The following OSBPL10 variants were observed in gnomAD, a reference collection of about 807,000 sequenced individuals.
OSBPL10 encodes oxysterol-binding protein-related protein 10.
OSBPL10 carries 49 observed loss-of-function variants against 81.7 expected under a neutral mutation model. That is an observed-to-expected ratio of 0.60 (90% CI 0.48 to 0.76). The LOEUF (loss-of-function observed/expected upper bound fraction) is 0.76. OSBPL10 is among the 30% of genes least tolerant of loss of function. The probability of loss-of-function intolerance (pLI) is 0.00; values close to 1 mark genes in which losing one functional copy is unlikely to be tolerated. For synonymous variants in OSBPL10, 419 were observed against 383.6 expected, an observed-to-expected ratio of 1.09 and a Z score of -1.08; for missense variants, 923 against 987.8, an observed-to-expected ratio of 0.93 and a Z score of 0.88.
chr3:32,074,725 T>C (rs1481876279), intron 1 of OSBPL10, among the ~76,000 whole-genome samples: 3 of 152,188 alleles, frequency 2.0e-5, no homozygotes, highest in Admixed American at 1.3e-4. Context: ...CCTCCCTCTA[T>C]GCAGTTGCAC....
chr3:31,764,158 T>C (rs1358760898), intron 4 of OSBPL10, among the ~76,000 whole-genome samples: 2 of 152,238 alleles, frequency 1.3e-5, no homozygotes, highest in African/African-American at 2.4e-5. Flanking sequence ...TCTCCACACT[T>C]CCTCACTGCT....
intron 9 of OSBPL10, among the ~76,000 whole-genome samples, chr3:31,670,295 C>G (rs910756332): frequency 6.6e-6 from 1 of 152,204 alleles, no homozygotes; most frequent in East Asian, 1.9e-4. Flanking sequence ...ATAGCTGCAG[C>G]AATAAAAACA....
At chr3:32,020,584 T>C (rs980544674) in intron 2 of OSBPL10, among the ~76,000 whole-genome samples, 1 of 152,208 alleles carries the variant, frequency 6.6e-6, no homozygotes, top group Admixed American at 6.5e-5. Flanking sequence ...CAAATAATGC[T>C]GCTATGAGTA....
chr3:31,878,507 TAG>T (rs1280851449), intron 2 of OSBPL10, among the ~76,000 whole-genome samples: 10 of 152,242 alleles, frequency 6.6e-5, no homozygotes, highest in Non-Finnish European at 1.2e-4. Context: ...GATTGTTTTA[TAG>T]ATTCTGAAAT....
intron 3 of OSBPL10, among the ~76,000 whole-genome samples, chr3:31,870,736 C>G (rs916990397): frequency 2.0e-5 from 3 of 152,080 alleles, no homozygotes; most frequent in African/African-American, 7.2e-5. Context: ...ACTCTGTATT[C>G]TAGCTGCTCT....
chr3:31,661,946 C>G lies in OSBPL10; in HGVS notation c.*126G>C. 1 of 1,359,312 alleles carries G rather than the reference C, an allele frequency of 7.4e-7. No individual in the cohort carries two copies. Among genetic ancestry groups the G allele is most frequent in the Non-Finnish European group, 1.0e-6 (1 of 991,530 alleles). 84.2% of individuals were successfully genotyped at this position (1,359,312 alleles called of 1,614,324 possible). Reference sequence around the variant, plus strand: ...ACTTTTCATAGTATATAATTTCTCTCTCTCTCATCATTTCTTGGATGCTAA... The same window carrying G: ...ACTTTTCATAGTATATAATTTCTCTGTCTCTCATCATTTCTTGGATGCTAA... On this transcript the variant is annotated 3_prime_UTR_variant, in exon 12 of 12. Transcript: ENST00000396556.
At chr3:31,807,572 CA>C (rs35786919) in intron 4 of OSBPL10, among the ~76,000 whole-genome samples, 25,878 of 108,340 alleles carry the variant, frequency 0.24, 2,286 homozygotes, top group Admixed American at 0.27. Flanking sequence ...CACATCTCTA[CA>C]AAAAAAAAAA....
rs869140991 is a variant in OSBPL10 at position 31,944,833 on chromosome 3, TAAAAAAAAAAAAAAA to T, written c.281+36051_281+36065del. 3.4e-3 allele frequency among the ~76,000 whole-genome samples: 185 copies of T among 55,116 alleles called. 9 individuals carry two copies. The highest frequency in any genetic ancestry group is 0.033 in the Middle Eastern group (2 of 60). The allele number at this position is 55,116 out of a possible 152,430, so 36.2% of individuals were successfully genotyped here. On this transcript the variant is annotated intron_variant, in intron 1 of 11. Transcript: ENST00000396556. The stretch of plus-strand genomic sequence containing the variant: ...GCAACAGAGCAAGACCCCCTCTCTT[TAAAAAAAAAAAAAAA>T]AAAAAAAAAAAAAAAAAAAAAAGGC...
At chr3:31,896,002 TAC>T (rs1195947543) in intron 1 of OSBPL10, among the ~76,000 whole-genome samples, 3 of 152,116 alleles carry the variant, frequency 2.0e-5, no homozygotes, top group African/African-American at 4.8e-5. Flanking sequence ...CACACACCTA[TAC>T]ACACACACAG....
At chr3:31,741,086 C>T (rs113394649) in intron 5 of OSBPL10, among the ~76,000 whole-genome samples, 444 of 152,208 alleles carry the variant, frequency 2.9e-3, no homozygotes, top group Non-Finnish European at 4.9e-3. Flanking sequence ...ACCTACAAGG[C>T]CCCTGCAAGG....
intron 1 of OSBPL10, among the ~76,000 whole-genome samples, chr3:31,935,486 G>GA (rs1034206883): frequency 3.2e-4 from 47 of 146,366 alleles, no homozygotes; most frequent in Admixed American, 1.2e-3. Context: ...ACTAAAAGAA[G>GA]AAAAAAAAAT....
intron 3 of OSBPL10, among the ~76,000 whole-genome samples, chr3:31,869,032 C>G (rs903333869): frequency 6.6e-6 from 1 of 152,136 alleles, no homozygotes; most frequent in African/African-American, 2.4e-5. Context: ...GTCAAAGCAC[C>G]AAAGGTGGTC....
chr3:31,791,274 A>T lies in OSBPL10; in HGVS notation c.729+38766T>A, dbSNP rs981194966. On this transcript the variant is annotated intron_variant, in intron 4 of 11. Transcript: ENST00000396556. ...CCTCAGAAAATGGGAGTATATGCACAGTGGCTTTTAGAGGAAGAATTAATG... is the reference window on the plus strand; with the variant it reads ...CCTCAGAAAATGGGAGTATATGCACTGTGGCTTTTAGAGGAAGAATTAATG... Among the ~76,000 whole-genome samples, 12 of 152,226 alleles carry T rather than the reference A, an allele frequency of 7.9e-5. No homozygotes were observed. The South Asian group carries it at 2.3e-3, about 29-fold the overall frequency.
intron 4 of OSBPL10, among the ~76,000 whole-genome samples, chr3:31,772,602 T>C (rs1324001171): frequency 6.6e-6 from 1 of 152,172 alleles, no homozygotes; most frequent in Non-Finnish European, 1.5e-5. Context: ...CTGAGCTTCT[T>C]CCACTGCACT....
Position 31,876,657 on chromosome 3 carries a change from G to A in OSBPL10, c.458-145C>T, listed in dbSNP as rs748555898. The stretch of plus-strand genomic sequence containing the variant: ...TGGGGAAGCAAGCACAGATCACAAC[G>A]TTCTCAAGCGGCCTGTACTTACACC... On this transcript the variant is annotated intron_variant, in intron 2 of 11. Transcript: ENST00000396556. The A allele has an allele frequency of 2.2e-5, 14 of 648,266 alleles. 1 individual carries two copies. The highest frequency in any genetic ancestry group is 7.2e-5 in the South Asian group (4 of 55,818). 40.2% of individuals were successfully genotyped at this position (648,266 alleles called of 1,614,324 possible).
At chr3:31,957,419 C>T (rs188666765) in intron 1 of OSBPL10, among the ~76,000 whole-genome samples, 125 of 152,208 alleles carry the variant, frequency 8.2e-4, no homozygotes, top group Non-Finnish European at 1.6e-3. Context: ...ACTGCACTGG[C>T]GAACACCATT....
At chr3:31,672,371 G>C (rs1162429457) in intron 8 of OSBPL10, among the ~76,000 whole-genome samples, 1 of 110,358 alleles carries the variant, frequency 9.1e-6, no homozygotes, top group Non-Finnish European at 1.9e-5. Context: ...CGGGGGGGGG[G>C]GCAGGAGGGA....
At chr3:31,801,970 T>C (rs1010765912) in intron 4 of OSBPL10, among the ~76,000 whole-genome samples, 1 of 152,080 alleles carries the variant, frequency 6.6e-6, no homozygotes, top group Non-Finnish European at 1.5e-5. Context: ...ATTATAGGCA[T>C]GTGCCACCAT....
At chr3:31,830,289 G>A in intron 3 of OSBPL10, 58 bp from the exon 4 acceptor site, 2 of 1,507,704 alleles carry the variant, frequency 1.3e-6, no homozygotes, top group Non-Finnish European at 1.8e-6. Flanking sequence ...ACAACTAAGT[G>A]TTGGCTTCTA....
Sources: allele counts gnomAD v4.1 joint callset (sites outside exome capture counted in the v4.1 genomes callset), GRCh38; gene constraint gnomAD v4.1.1; transcripts MANE v1.5; gene names NCBI Gene and HGNC (gene_info 2026-07-23, HGNC 2026-07-21).